Variants in PHACTR3 observed in about 807,000 individuals in gnomAD.
PHACTR3 encodes protein phosphatase 1, regulatory subunit 123.
Under a neutral mutation model 66.8 loss-of-function variants are expected in PHACTR3, and 16 were observed. The ratio of observed to expected loss-of-function variants is 0.24; its 90% CI spans 0.16 to 0.36. The LOEUF (loss-of-function observed/expected upper bound fraction) is 0.36, where lower values mean the gene tolerates loss of function less well. Ranked by LOEUF, PHACTR3 falls within the 10% of genes least tolerant of loss-of-function variation. The probability of loss-of-function intolerance (pLI) is 1.00; values close to 1 mark genes in which losing one functional copy is unlikely to be tolerated. For synonymous variants in PHACTR3, 323 were observed against 292.1 expected, an observed-to-expected ratio of 1.11 and a Z score of -1.08; for missense variants, 647 against 719.9, an observed-to-expected ratio of 0.90 and a Z score of 1.16.
In PHACTR3 at chr20:59,635,198, T is replaced by C. The variant is rs370003992; in HGVS notation, c.118+30066T>C. Among the ~76,000 whole-genome samples the C allele has an allele frequency of 8.0e-4, 89 of 111,088 alleles. 11 individuals carry two copies. Among genetic ancestry groups the C allele is most frequent in the African/African-American group, 2.6e-3 (74 of 28,868 alleles). 72.9% of individuals were successfully genotyped at this position (111,088 alleles called of 152,430 possible). A position where few individuals can be genotyped will look rare whatever the true frequency, so the allele number is the denominator to read the frequency against. ...TCTTTCTTTCTTTCTTTCTTTCTCT[T>C]TCTTTCTTTCCTTCCTTCCTTCCTT... On this transcript the variant is annotated intron_variant, in intron 1 of 12. Coordinates refer to ENST00000371015, the MANE Select transcript of PHACTR3 (RefSeq NM_080672.5).
At chr20:59,618,570 C>T (rs1203768309) in intron 1 of PHACTR3, among the ~76,000 whole-genome samples, 2 of 152,152 alleles carry the variant, frequency 1.3e-5, no homozygotes, top group Non-Finnish European at 2.9e-5. Context: ...GGAGAGGAGG[C>T]TCAATCTCAG....
At chr20:59,612,840 G>A (rs567928829) in intron 1 of PHACTR3, among the ~76,000 whole-genome samples, 17 of 152,306 alleles carry the variant, frequency 1.1e-4, no homozygotes, top group Admixed American at 9.8e-4. Context: ...TGCGGGAAGC[G>A]TGGTGCCAGC....
At chr20:59,629,066 TTGAA>T (rs2146386822) in intron 1 of PHACTR3, among the ~76,000 whole-genome samples, 1 of 152,332 alleles carries the variant, frequency 6.6e-6, no homozygotes, top group South Asian at 2.1e-4. Context: ...CAGTGAATAA[TTGAA>T]TGAAATTTTA....
intron 2 of PHACTR3, among the ~76,000 whole-genome samples, chr20:59,747,024 G>A (rs1859958893): frequency 6.6e-6 from 1 of 152,206 alleles, no homozygotes; most frequent in Non-Finnish European, 1.5e-5. Flanking sequence ...CAGTTTTCCT[G>A]ACGGAAGGAA....
At chr20:59,774,749 T>A (rs116118828) in intron 7 of PHACTR3, among the ~76,000 whole-genome samples, 1,909 of 151,364 alleles carry the variant, frequency 0.013, 41 homozygotes, top group African/African-American at 0.044. Context: ...TTAGTTTTCA[T>A]GTGTATGTGA....
intron 1 of PHACTR3, among the ~76,000 whole-genome samples, chr20:59,643,019 C>A (rs1183755962): frequency 3.9e-5 from 6 of 152,188 alleles, no homozygotes; most frequent in Non-Finnish European, 8.8e-5. Flanking sequence ...TCACACCATT[C>A]TCCTGCCTCA....
chr20:59,645,685 C>CGT (rs1239644956), intron 1 of PHACTR3, among the ~76,000 whole-genome samples: 4 of 151,610 alleles, frequency 2.6e-5, no homozygotes, highest in Admixed American at 6.6e-5. Context: ...GTGTGTGTGG[C>CGT]GTGTGTGTGT....
chr20:59,602,439 C>CAAA (rs11477953), upstream of PHACTR3, among the ~76,000 whole-genome samples: 660 of 85,944 alleles, frequency 7.7e-3, 8 homozygotes, highest in African/African-American at 0.024. Flanking sequence ...AAAACTCTTT[C>CAAA]AAAAAAAAAA....
At chr20:59,606,759 G>C (rs6070861) in intron 1 of PHACTR3, among the ~76,000 whole-genome samples, 1 of 152,176 alleles carries the variant, frequency 6.6e-6, no homozygotes, top group South Asian at 2.1e-4. Context: ...GGGTTGGGCA[G>C]GTGGTGCCGG....
At chr20:59,746,174 C>A (rs1027547709) in intron 2 of PHACTR3, among the ~76,000 whole-genome samples, 3 of 152,246 alleles carry the variant, frequency 2.0e-5, no homozygotes, top group African/African-American at 7.2e-5. Flanking sequence ...TGTCCCCACC[C>A]TGCTGTGTTT....
chr20:59,735,179 T>C (rs1039938794), intron 1 of PHACTR3, among the ~76,000 whole-genome samples: 9 of 152,158 alleles, frequency 5.9e-5, no homozygotes, highest in Admixed American at 3.9e-4. Context: ...TGTCACATTA[T>C]GAGGTTGCCT....
chr20:59,680,470 C>T (rs2036602373), intron 1 of PHACTR3, among the ~76,000 whole-genome samples: 1 of 152,140 alleles, frequency 6.6e-6, no homozygotes, highest in South Asian at 2.1e-4. Context: ...AAAACCACAA[C>T]TGCAACCGCC....
chr20:59,740,867 A>G (rs573031202), intron 1 of PHACTR3, among the ~76,000 whole-genome samples: 1 of 152,286 alleles, frequency 6.6e-6, no homozygotes, highest in East Asian at 1.9e-4. Flanking sequence ...GCTGCCTCAT[A>G]TGGCTCTTCT....
chr20:59,695,890 A>G (rs2146594678), intron 1 of PHACTR3, among the ~76,000 whole-genome samples: 1 of 151,768 alleles, frequency 6.6e-6, no homozygotes, highest in South Asian at 2.1e-4. Flanking sequence ...ACCTCACCAC[A>G]TCCAGCTAAT....
intron 1 of PHACTR3, among the ~76,000 whole-genome samples, chr20:59,715,974 A>G (rs751721715): frequency 1.3e-5 from 2 of 152,150 alleles, no homozygotes; most frequent in Non-Finnish European, 2.9e-5. Flanking sequence ...CCTGCCTTCT[A>G]GGAGTTCACA....
At chr20:59,685,721 A>G (rs1033462992) in intron 1 of PHACTR3, among the ~76,000 whole-genome samples, 2 of 152,166 alleles carry the variant, frequency 1.3e-5, no homozygotes, top group Non-Finnish European at 2.9e-5. Context: ...CGGTCAGCCC[A>G]TTATCCTTCG....
At chr20:59,716,143 A>T (rs991681809) in intron 1 of PHACTR3, among the ~76,000 whole-genome samples, 1 of 151,632 alleles carries the variant, frequency 6.6e-6, no homozygotes, top group Non-Finnish European at 1.5e-5. Context: ...CTCCACCCAG[A>T]CATTGCTTCG....
intron 7 of PHACTR3, among the ~76,000 whole-genome samples, chr20:59,795,938 G>T (rs115262021): frequency 0.028 from 4,191 of 152,068 alleles, 129 homozygotes; most frequent in African/African-American, 0.072. Flanking sequence ...CTCTATTTTA[G>T]CTGGAGACTT....
intron 4 of PHACTR3, among the ~76,000 whole-genome samples, chr20:59,766,935 G>T (rs117058424): frequency 1.3e-5 from 2 of 152,252 alleles, no homozygotes; most frequent in African/African-American, 4.8e-5. Flanking sequence ...CTGTGGCATG[G>T]ACCTCTCATG....
Sources: allele counts gnomAD v4.1 joint callset (sites outside exome capture counted in the v4.1 genomes callset), GRCh38; gene constraint gnomAD v4.1.1; transcripts MANE v1.5; gene names NCBI Gene and HGNC (gene_info 2026-07-23, HGNC 2026-07-21).